PIH1D2: variants seen among roughly 807,000 people sequenced by gnomAD.
PIH1D2 encodes PIH1 domain-containing protein 2.
Under a neutral mutation model 31.2 loss-of-function variants are expected in PIH1D2, and 25 were observed. The observed-to-expected ratio is 0.80, with a 90% confidence interval of 0.58 to 1.12. The LOEUF (loss-of-function observed/expected upper bound fraction) is 1.12, where lower values mean the gene tolerates loss of function less well. Ranked by LOEUF, PIH1D2 falls within the 50% of genes most tolerant of loss-of-function variation. The probability of loss-of-function intolerance (pLI) is 0.00; values close to 1 mark genes in which losing one functional copy is unlikely to be tolerated. For missense variants in PIH1D2, 310 were observed against 356.6 expected (o/e 0.87, Z 1.05); for synonymous variants, 116 against 119.9 (o/e 0.97, Z 0.21).
At chr11:112,057,113 A>G in the PIH1D2 span, among the ~76,000 whole-genome samples, 1 of 152,196 alleles carries the variant, frequency 6.6e-6, no homozygotes, top group Non-Finnish European at 1.5e-5. Flanking sequence ...TCAATGCCCC[A>G]TGAACCATGC....
At chr11:112,064,361 T>A (rs1864824825), downstream of PIH1D2, 2 of 681,334 alleles carry the variant, frequency 2.9e-6, no homozygotes, top group Admixed American at 7.2e-5. Context: ...GTTCATATGA[T>A]TATTTAAAAA....
At chr11:112,057,488 G>A in the PIH1D2 span, among the ~76,000 whole-genome samples, 1 of 152,230 alleles carries the variant, frequency 6.6e-6, no homozygotes, top group African/African-American at 2.4e-5. Flanking sequence ...CTATCCTGGT[G>A]AACACACGAA....
chr11:112,066,101 G>A (rs1864916903), downstream of PIH1D2, among the ~76,000 whole-genome samples: 1 of 151,996 alleles, frequency 6.6e-6, no homozygotes, highest in African/African-American at 2.4e-5. Flanking sequence ...TAAGAACTTT[G>A]GCCTGCATGT....
the PIH1D2 span, among the ~76,000 whole-genome samples, chr11:112,058,082 C>T: frequency 6.6e-6 from 1 of 152,088 alleles, no homozygotes; most frequent in African/African-American, 2.4e-5. Flanking sequence ...TATTTCTATA[C>T]TTAGATGAAG....
downstream of PIH1D2, chr11:112,063,854 C>T (rs1286640811): frequency 1.4e-5 from 3 of 210,240 alleles, no homozygotes; most frequent in East Asian, 1.0e-4. Flanking sequence ...TTTTAATAAA[C>T]GTTTGAAATT....
chr11:112,069,094 G>A (rs1401758176), intron 5 of PIH1D2, among the ~76,000 whole-genome samples: 6 of 150,216 alleles, frequency 4.0e-5, no homozygotes, highest in Admixed American at 2.7e-4. Context: ...CGCCTCCCGG[G>A]TTCAAGCAGT....
chr11:112,062,608 A>G (rs1383814789), downstream of PIH1D2: 2 of 1,518,996 alleles, frequency 1.3e-6, no homozygotes, highest in Admixed American at 3.5e-5. Context: ...ATGTTATTAA[A>G]CAGGTGGTTC....
downstream of PIH1D2, among the ~76,000 whole-genome samples, chr11:112,059,406 G>T (rs587724534): frequency 2.0e-5 from 3 of 149,294 alleles, no homozygotes; most frequent in East Asian, 5.9e-4. Flanking sequence ...CAGGGGCAGC[G>T]TTGGGGGATG....
downstream of PIH1D2, chr11:112,059,872 T>A: frequency 6.6e-7 from 1 of 1,524,148 alleles, no homozygotes; most frequent in East Asian, 2.5e-5. Context: ...ATAAACAGTT[T>A]TTTATTATAT....
chr11:112,061,521 G>A (rs1050111923), downstream of PIH1D2: 12 of 293,472 alleles, frequency 4.1e-5, no homozygotes, highest in South Asian at 2.8e-4. Context: ...CTATGGATTC[G>A]GAACCCATGG....
the PIH1D2 span, among the ~76,000 whole-genome samples, chr11:112,054,294 T>G: frequency 2.0e-5 from 3 of 152,116 alleles, no homozygotes; most frequent in Non-Finnish European, 4.4e-5. Flanking sequence ...CACTCCAGCC[T>G]GAGCAACAGA....
chr11:112,062,008 AG>A (rs1864661972), downstream of PIH1D2, among the ~76,000 whole-genome samples: 2 of 152,164 alleles, frequency 1.3e-5, no homozygotes, highest in African/African-American at 4.8e-5. Context: ...GTCCTATTTG[AG>A]GTGGAAAGCC....
intron 4 of PIH1D2, 118 bp from the exon 5 acceptor site, chr11:112,070,819 T>G: frequency 7.7e-7 from 1 of 1,295,810 alleles, no homozygotes; most frequent in Admixed American, 2.9e-5. Flanking sequence ...TTAAATTAGT[T>G]TGGGAATCAA....
At chr11:112,057,762 A>G in the PIH1D2 span, among the ~76,000 whole-genome samples, 5 of 152,246 alleles carry the variant, frequency 3.3e-5, no homozygotes, top group Non-Finnish European at 7.3e-5. Context: ...AATTATTCAG[A>G]AGATACAGCT....
At chr11:112,070,115 T>A in intron 5 of PIH1D2, 1 of 500,724 alleles carries the variant, frequency 2.0e-6, no homozygotes, top group Non-Finnish European at 3.6e-6. Flanking sequence ...TGACTTCCTG[T>A]GACTGTGAGA....
At chr11:112,052,732 G>T in the PIH1D2 span, among the ~76,000 whole-genome samples, 2 of 152,048 alleles carry the variant, frequency 1.3e-5, no homozygotes, top group African/African-American at 4.8e-5. Flanking sequence ...TGTAGAGTTT[G>T]ATCTCCAGGA....
At position 112,070,716 on chromosome 11, in the gene PIH1D2, G is replaced by T. The variant is rs782743735; in HGVS notation, c.548-15C>A. The T allele has an allele frequency of 1.9e-6, 3 of 1,603,222 alleles. No individual in the cohort carries two copies. The highest frequency in any genetic ancestry group is 2.6e-6 in the Non-Finnish European group (3 of 1,174,428). On this transcript the variant is annotated splice_polypyrimidine_tract_variant and intron_variant, in intron 4 of 5. Transcript: ENST00000280350. ...AAGAGTTAGTTCTTTATGAAAAAAA[G>T]GGTGGAGGGGAGATAAAAAATAAAT... is the stretch of plus-strand genomic sequence containing the variant.
chr11:112,055,305 G>A, the PIH1D2 span, among the ~76,000 whole-genome samples: 17 of 141,454 alleles, frequency 1.2e-4, no homozygotes, highest in South Asian at 1.4e-3. Context: ...GTGCAGTGGC[G>A]CAATCTCGGC....
chr11:112,068,644 C>T (rs945728609), intron 5 of PIH1D2, among the ~76,000 whole-genome samples: 2 of 152,070 alleles, frequency 1.3e-5, no homozygotes, highest in East Asian at 3.9e-4. Flanking sequence ...ATTAGCCAGG[C>T]TTGGTGGCAC....
Sources: allele counts gnomAD v4.1 joint callset (sites outside exome capture counted in the v4.1 genomes callset), GRCh38; gene constraint gnomAD v4.1.1; transcripts MANE v1.5; gene names NCBI Gene and HGNC (gene_info 2026-07-23, HGNC 2026-07-21).